RAB20: variants seen among roughly 807,000 people sequenced by gnomAD.
RAB20 encodes RAB20, member RAS oncogene family.
In RAB20, 2 loss-of-function variants were observed where a neutral mutation model predicts 3.7. The observed-to-expected ratio is 0.54, with a 90% CI of 0.22 to 1.69. The LOEUF (loss-of-function observed/expected upper bound fraction) is 1.69, where lower values mean the gene tolerates loss of function less well. RAB20 is among the 40% of genes most tolerant of loss of function. RAB20 has a pLI of 0.19. For missense variants in RAB20, 276 were observed against 311.9 expected, an observed-to-expected ratio of 0.88 and a Z score of 0.87; for synonymous variants, 126 against 130.8, an observed-to-expected ratio of 0.96 and a Z score of 0.25.
At chr13:110,560,940 A>G (rs944982439) in intron 1 of RAB20, among the ~76,000 whole-genome samples, 1 of 152,158 alleles carries the variant, frequency 6.6e-6, no homozygotes, top group Non-Finnish European at 1.5e-5. Context: ...TTTCTTAGAA[A>G]GGGGCTAATA....
intron 1 of RAB20, among the ~76,000 whole-genome samples, chr13:110,557,775 G>GT (rs1434162047): frequency 6.6e-6 from 1 of 152,010 alleles, no homozygotes; most frequent in Non-Finnish European, 1.5e-5. Context: ...GGATGCAAAC[G>GT]TGAGTCAGGT....
At chr13:110,545,847 A>G (rs745739498) in intron 1 of RAB20, among the ~76,000 whole-genome samples, 6 of 152,204 alleles carry the variant, frequency 3.9e-5, no homozygotes, top group Non-Finnish European at 5.9e-5. Context: ...TTCGTTCTCT[A>G]TTATTAAGCA....
rs1241857807 is a variant in RAB20, at chr13:110,555,110, G to A, written c.172+6238C>T. On this transcript the variant is annotated intron_variant, in intron 1 of 1. Coordinates refer to ENST00000267328, the MANE Select transcript of RAB20 (RefSeq NM_017817.3). The surrounding 1 kb of genome is among the most constrained non-coding windows in gnomAD (Gnocchi z 4.0). ...GAGCCTTGTGAAAAGGATGTAGCCCGGGAGTATGGAGCCTGCACAGAGCCT... is the reference window on the plus strand; with the variant it reads ...GAGCCTTGTGAAAAGGATGTAGCCCAGGAGTATGGAGCCTGCACAGAGCCT... Among the ~76,000 whole-genome samples, 2 of 152,146 alleles carry A rather than the reference G, an allele frequency of 1.3e-5. No individual in the cohort carries two copies. Among genetic ancestry groups the A allele is most frequent in the African/African-American group, 4.8e-5 (2 of 41,444 alleles).
chr13:110,524,373 G>A (rs112197504), intron 1 of RAB20, among the ~76,000 whole-genome samples, 176 bp from the exon 2 acceptor site: 167 of 152,300 alleles, frequency 1.1e-3, no homozygotes, highest in African/African-American at 3.9e-3. Context: ...CATCCCCAAA[G>A]CAGGCAGCCC....
At chr13:110,541,865 C>T (rs1566587966) in intron 1 of RAB20, among the ~76,000 whole-genome samples, 2 of 151,632 alleles carry the variant, frequency 1.3e-5, no homozygotes, top group Non-Finnish European at 2.9e-5. Flanking sequence ...CACGTACATG[C>T]CATGCACACA....
intron 1 of RAB20, among the ~76,000 whole-genome samples, chr13:110,538,581 G>A (rs1263973593): frequency 3.6e-5 from 5 of 139,488 alleles, no homozygotes; most frequent in African/African-American, 7.9e-5. Flanking sequence ...ACTCCAGCCT[G>A]GGTGAGATCT....
chr13:110,558,761 C>T (rs1362065591), intron 1 of RAB20, among the ~76,000 whole-genome samples: 1 of 135,090 alleles, frequency 7.4e-6, no homozygotes, highest in African/African-American at 2.7e-5. Context: ...TGCAGTGGCA[C>T]AATCTTGGCT....
At chr13:110,557,411 G>A (rs1369340668) in intron 1 of RAB20, among the ~76,000 whole-genome samples, 1 of 152,240 alleles carries the variant, frequency 6.6e-6, no homozygotes, top group Admixed American at 6.5e-5. Context: ...TCCTCAGTCA[G>A]GCAGATTGCT....
chr13:110,557,495 C>T (rs1885059502), intron 1 of RAB20, among the ~76,000 whole-genome samples: 2 of 152,316 alleles, frequency 1.3e-5, no homozygotes, highest in South Asian at 2.1e-4. Context: ...GGCCACATAA[C>T]CTTCTGCTGG....
chr13:110,526,473 T>C (rs1365936716), intron 1 of RAB20, among the ~76,000 whole-genome samples: 1 of 151,512 alleles, frequency 6.6e-6, no homozygotes, highest in Non-Finnish European at 1.5e-5. Context: ...TGGCCCATCA[T>C]TGGCAGCTTC....
chr13:110,554,699 T>C (rs1885010255), intron 1 of RAB20, among the ~76,000 whole-genome samples: 1 of 152,090 alleles, frequency 6.6e-6, no homozygotes, highest in South Asian at 2.1e-4. Flanking sequence ...TTAAACCAAT[T>C]GCTCAGAATC....
rs370664083 is a variant in RAB20, at chr13:110,524,166, C to A, written c.204G>T (p.Met68Ile). 3.1e-6 allele frequency: 5 copies of A among 1,602,782 alleles called. No homozygotes were observed. Among genetic ancestry groups the A allele is most frequent in the African/African-American group, 2.7e-5 (2 of 75,038 alleles). ...GREQFHGLGS[M>I]YCRGAAAIIL... ...TGATGGCGGCCGCCCCCCGGCAGTA[C>A]ATGGAGCCCAGGCCGTGGAACTGCT... Residue 68 changes from methionine (M) to isoleucine (I), a missense_variant, in exon 2 of 2, where the codon ATG becomes ATT. Transcript: ENST00000267328.
intron 1 of RAB20, among the ~76,000 whole-genome samples, chr13:110,547,484 G>A (rs764029840): frequency 6.6e-6 from 1 of 152,158 alleles, no homozygotes; most frequent in Non-Finnish European, 1.5e-5. Flanking sequence ...GAAATAGAAC[G>A]TAGCCCGATG....
chr13:110,532,017 T>C (rs116548274), intron 1 of RAB20, among the ~76,000 whole-genome samples: 1 of 152,232 alleles, frequency 6.6e-6, no homozygotes, highest in Admixed American at 6.5e-5. Context: ...CTACCCCAAG[T>C]GTTGTGTCGT....
In RAB20 at chr13:110,561,520, C is replaced by G. The variant is rs1352106175; in HGVS notation, c.-1G>C. On this transcript the variant is annotated 5_prime_UTR_variant, in exon 1 of 2. Coordinates refer to ENST00000267328, the MANE Select transcript of RAB20 (RefSeq NM_017817.3). ...CGATCTTGCTGTCGGGCTTCCTCAT[C>G]TTCCCGTAAGAACCCCCAGCGCCCC... 4 of 1,566,516 alleles carry G rather than the reference C, an allele frequency of 2.6e-6. No individual in the cohort carries two copies. In the Admixed American group the frequency reaches 5.5e-5, roughly 22 times the overall value.
intron 1 of RAB20, among the ~76,000 whole-genome samples, chr13:110,545,572 C>G (rs1193399086): frequency 6.6e-6 from 1 of 152,196 alleles, no homozygotes; most frequent in Non-Finnish European, 1.5e-5. Context: ...CAAGTTCACA[C>G]TCACTGAGTG....
At chr13:110,554,150 C>T (rs900198475) in intron 1 of RAB20, among the ~76,000 whole-genome samples, 3 of 152,048 alleles carry the variant, frequency 2.0e-5, no homozygotes, top group African/African-American at 7.2e-5. Context: ...AAATAAAATC[C>T]CCCTGGCTCC....
intron 1 of RAB20, among the ~76,000 whole-genome samples, chr13:110,530,035 G>A (rs568675051): frequency 3.3e-5 from 5 of 152,284 alleles, no homozygotes; most frequent in Admixed American, 1.3e-4. Flanking sequence ...CAGCAAAACT[G>A]ACCAGGACTT....
At position 110,561,393 on chromosome 13, in the gene RAB20, G is replaced by T. The variant is rs780041488; in HGVS notation, c.127C>A (p.Leu43Met). ...ATGTTGTAGGAGCGCCACTGCTTCA[G>T]GTAGAAGGCGCCGCCCACCGTGCTG... ...TVSTVGGAFYLKQWRSYNISI... is the reference protein window; with the variant it reads ...TVSTVGGAFYMKQWRSYNISI... Residue 43 changes from leucine (L) to methionine (M), a missense_variant, in exon 1 of 2, where the codon CTG (leucine) becomes ATG (methionine). Transcript: ENST00000267328. 9 of 1,609,840 alleles carry T rather than the reference G, an allele frequency of 5.6e-6. No homozygotes were observed. In the South Asian group the frequency reaches 8.8e-5, roughly 16 times the overall value.
Sources: gnomAD v4.1 joint callset for allele counts (sites outside exome capture counted in the v4.1 genomes callset) on GRCh38, gnomAD v4.1.1 for gene constraint, Gnocchi (gnomAD v3.1) non-coding constraint, MANE v1.5 for transcripts, NCBI Gene and HGNC (gene_info 2026-07-23, HGNC 2026-07-21) for gene names.